TMEFF2: variants seen among roughly 807,000 people sequenced by gnomAD.
TMEFF2 encodes tomoregulin-2.
TMEFF2 carries 28 observed loss-of-function variants against 53.8 expected under a neutral mutation model. That is an observed-to-expected ratio of 0.52 (90% CI 0.39 to 0.71). The LOEUF (loss-of-function observed/expected upper bound fraction) is 0.71. Among genes scored for constraint, TMEFF2 ranks in the 30% least tolerant of loss-of-function variants. The probability of loss-of-function intolerance (pLI) is 0.00; values close to 1 mark genes in which losing one functional copy is unlikely to be tolerated. For synonymous variants in TMEFF2, 162 were observed against 166.3 expected (o/e 0.97, Z 0.20); for missense variants, 353 against 455.2 (o/e 0.78, Z 2.04).
intron 4 of TMEFF2, among the ~76,000 whole-genome samples, chr2:192,126,637 A>G (rs1274170179): frequency 6.6e-6 from 1 of 152,242 alleles, no homozygotes; most frequent in Admixed American, 6.5e-5. Context: ...CATACTTGCA[A>G]CTAGAAAGAA....
chr2:192,154,748 A>G (rs996425314), intron 4 of TMEFF2, among the ~76,000 whole-genome samples: 32 of 151,900 alleles, frequency 2.1e-4, no homozygotes, highest in Non-Finnish European at 2.4e-4. Flanking sequence ...CACCTCCACA[A>G]TGGAATTGAA....
chr2:192,033,661 T>C (rs931540801), intron 5 of TMEFF2, among the ~76,000 whole-genome samples: 15 of 152,074 alleles, frequency 9.9e-5, no homozygotes, highest in African/African-American at 3.1e-4. Context: ...CTATTAAATA[T>C]GACCAGGAGG....
chr2:192,033,000 A>C (rs1214274837), intron 5 of TMEFF2, among the ~76,000 whole-genome samples: 1 of 152,240 alleles, frequency 6.6e-6, no homozygotes, highest in Admixed American at 6.5e-5. Flanking sequence ...TATTCAAAGT[A>C]TAAAAATAGA....
intron 4 of TMEFF2, chr2:192,179,367 A>C: frequency 9.4e-6 from 3 of 320,588 alleles, no homozygotes; most frequent in Non-Finnish European, 1.7e-5. Flanking sequence ...ATATGCTTAC[A>C]TGCTTCTCTT....
At chr2:191,959,323 C>G (rs936442878) in intron 7 of TMEFF2, among the ~76,000 whole-genome samples, 1 of 152,170 alleles carries the variant, frequency 6.6e-6, no homozygotes, top group Non-Finnish European at 1.5e-5. Context: ...GTTCCTGACC[C>G]TTTGAAAAAA....
chr2:192,152,216 T>C (rs1690404040), intron 4 of TMEFF2, among the ~76,000 whole-genome samples: 1 of 151,892 alleles, frequency 6.6e-6, no homozygotes, highest in African/African-American at 2.4e-5. Flanking sequence ...TGGGTGACAG[T>C]GAAGGCTTGT....
intron 4 of TMEFF2, among the ~76,000 whole-genome samples, chr2:192,160,681 A>G (rs1013225294): frequency 2.0e-5 from 3 of 152,158 alleles, no homozygotes; most frequent in African/African-American, 7.2e-5. Flanking sequence ...AGAAAAAAAT[A>G]CATTTAACAT....
chr2:192,009,892 C>T (rs1686585966), intron 5 of TMEFF2, among the ~76,000 whole-genome samples: 1 of 152,108 alleles, frequency 6.6e-6, no homozygotes, highest in Non-Finnish European at 1.5e-5. Flanking sequence ...TGTACTTTAT[C>T]ATTTAAAATA....
chr2:192,062,540 G>C (rs554283584), intron 4 of TMEFF2, among the ~76,000 whole-genome samples: 1 of 152,066 alleles, frequency 6.6e-6, no homozygotes, highest in Non-Finnish European at 1.5e-5. Context: ...CTAGCAGCAG[G>C]ATTACTGAAT....
At chr2:192,107,914 A>G (rs1689188098) in intron 4 of TMEFF2, among the ~76,000 whole-genome samples, 1 of 151,500 alleles carries the variant, frequency 6.6e-6, no homozygotes, top group South Asian at 2.1e-4. Context: ...CTATCTCTCT[A>G]ATTCTAATTC....
chr2:192,003,711 G>A (rs1686421613), intron 5 of TMEFF2, among the ~76,000 whole-genome samples: 1 of 152,136 alleles, frequency 6.6e-6, no homozygotes, highest in Non-Finnish European at 1.5e-5. Flanking sequence ...AGATCCACAT[G>A]AAAACTAATA....
chr2:192,129,583 T>C (rs1411345156), intron 4 of TMEFF2, among the ~76,000 whole-genome samples: 1 of 152,138 alleles, frequency 6.6e-6, no homozygotes, highest in East Asian at 1.9e-4. Flanking sequence ...TGAATCCAGA[T>C]TTCAGAAATA....
intron 4 of TMEFF2, among the ~76,000 whole-genome samples, chr2:192,139,541 A>G (rs951424625): frequency 4.6e-5 from 7 of 152,228 alleles, no homozygotes; most frequent in Non-Finnish European, 1.0e-4. Flanking sequence ...ATGATGGTGA[A>G]CAGAGTAAAT....
chr2:192,055,109 G>A (rs914907636), intron 5 of TMEFF2, among the ~76,000 whole-genome samples: 2 of 152,108 alleles, frequency 1.3e-5, no homozygotes, highest in African/African-American at 4.8e-5. Context: ...TAAGAAAACA[G>A]CTTGAAAAAA....
chr2:192,071,952 TA>T (rs1349028386), intron 4 of TMEFF2, among the ~76,000 whole-genome samples: 1 of 151,922 alleles, frequency 6.6e-6, no homozygotes, highest in Non-Finnish European at 1.5e-5. Context: ...CAGCAGCTTA[TA>T]ACTAAAGTAT....
chr2:192,090,292 ATT>A (rs1420835522), intron 4 of TMEFF2, among the ~76,000 whole-genome samples: 1 of 152,120 alleles, frequency 6.6e-6, no homozygotes, highest in Non-Finnish European at 1.5e-5. Flanking sequence ...AAAGACAAAA[ATT>A]GTAGATTCTT....
At chr2:192,017,237 CA>C (rs917546076) in intron 5 of TMEFF2, among the ~76,000 whole-genome samples, 34 of 152,280 alleles carry the variant, frequency 2.2e-4, no homozygotes, top group African/African-American at 8.2e-4. Context: ...CCAGGTCATG[CA>C]GCAGGTATAT....
At chr2:191,991,057 A>G (rs1338378045) in intron 7 of TMEFF2, among the ~76,000 whole-genome samples, 1 of 152,102 alleles carries the variant, frequency 6.6e-6, no homozygotes, top group Non-Finnish European at 1.5e-5. Context: ...TGATCATATT[A>G]TATTTTATGT....
At chr2:192,037,337 A>AAAGAAAGAAAGAAAGAAAG (rs1559096581) in intron 5 of TMEFF2, among the ~76,000 whole-genome samples, 1 of 88,200 alleles carries the variant, frequency 1.1e-5, no homozygotes. Flanking sequence ...AAGAAAGAAA[A>AAAGAAAGAAAGAAAGAAAG]ACAGAAAACA....
Sources: allele counts gnomAD v4.1 joint callset (sites outside exome capture counted in the v4.1 genomes callset), GRCh38; gene constraint gnomAD v4.1.1; transcripts MANE v1.5; gene names NCBI Gene and HGNC (gene_info 2026-07-23, HGNC 2026-07-21).